MAK: variants seen among roughly 807,000 people sequenced by gnomAD.
The protein encoded by MAK is male germ cell associated kinase.
MAK carries 65 observed loss-of-function variants against 82.6 expected under a neutral mutation model. That is an observed-to-expected ratio of 0.79 (90% CI 0.64 to 0.97). MAK has a LOEUF of 0.97. Among genes scored for constraint, MAK ranks in the 50% least tolerant of loss-of-function variants. The pLI, the probability that MAK is intolerant of heterozygous loss-of-function variation, is 0.00. For synonymous variants in MAK, 250 were observed against 274.2 expected, an observed-to-expected ratio of 0.91 and a Z score of 0.87; for missense variants, 703 against 780.2, an observed-to-expected ratio of 0.90 and a Z score of 1.18.
intron 10 of MAK, among the ~76,000 whole-genome samples, chr6:10,787,936 A>T (rs934147373): frequency 3.9e-5 from 6 of 152,164 alleles, no homozygotes; most frequent in African/African-American, 1.4e-4. Flanking sequence ...GAATTTCAAG[A>T]GAAAAGGGAT....
intron 1 of MAK, among the ~76,000 whole-genome samples, chr6:10,833,242 T>G (rs139964247): frequency 4.9e-4 from 74 of 152,356 alleles, no homozygotes; most frequent in African/African-American, 1.7e-3. Context: ...TAAAGTTATG[T>G]TGTTTCCTAT....
chr6:10,770,115 A>G lies in MAK; in HGVS notation c.1788T>C (p.Ala596=), dbSNP rs142308835. ...TGTATCTGAAGTTGTTCCTACCTGA[A>G]GCCGTTGCATTGAGAGGTGCTAAGT... ...RIHLAPLNAT[A]SEYTWNTKTG... Residue 596 remains alanine (A), a synonymous_variant, in exon 14 of 15, where the codon GCT becomes GCC. Transcript: ENST00000354489. 4 of 1,614,060 alleles carry G rather than the reference A, an allele frequency of 2.5e-6. No individual in the cohort carries two copies. In the African/African-American group the frequency reaches 4.0e-5, roughly 16 times the overall value.
At chr6:10,798,863 T>C (rs1283219277) in intron 8 of MAK, among the ~76,000 whole-genome samples, 1 of 151,956 alleles carries the variant, frequency 6.6e-6, no homozygotes, top group East Asian at 1.9e-4. Flanking sequence ...AGAGTCTCAC[T>C]CTGTCACCCA....
At chr6:10,807,175 TA>T (rs923046366) in intron 6 of MAK, among the ~76,000 whole-genome samples, 1 of 151,652 alleles carries the variant, frequency 6.6e-6, no homozygotes, top group East Asian at 1.9e-4. Context: ...TTACTCTGCC[TA>T]AAAAAAATCC....
chr6:10,834,001 A>G (rs1163536030), intron 1 of MAK, among the ~76,000 whole-genome samples: 1 of 152,212 alleles, frequency 6.6e-6, no homozygotes, highest in Non-Finnish European at 1.5e-5. Context: ...TTTTGCCTTT[A>G]TCTGTATAAG....
chr6:10,824,495 TCACA>T (rs1778207729), intron 2 of MAK, among the ~76,000 whole-genome samples: 1 of 151,560 alleles, frequency 6.6e-6, no homozygotes, highest in African/African-American at 2.4e-5. Flanking sequence ...ACTCTCAAGA[TCACA>T]CACACGTTCT....
chr6:10,818,886 C>G lies in MAK; in HGVS notation c.156G>C (p.Lys52Asn). 6.4e-7 allele frequency: 1 copy of G among 1,563,748 alleles called. No individual in the cohort carries two copies. The highest frequency in any genetic ancestry group is 8.8e-7 in the Non-Finnish European group (1 of 1,135,380). ...GTTCTTTTCATCTTTAGGATTTTAC[C>G]TTAACTTCTCTCAAGTTCATGCATT... is the stretch of plus-strand genomic sequence containing the variant. Reference protein sequence around the residue: ...WDECMNLREVKSLKKLNHANV... With the variant: ...WDECMNLREVNSLKKLNHANV... Residue 52 changes from lysine to asparagine, a missense_variant and splice_region_variant, in exon 3 of 15, where the codon AAG becomes AAC. Lys to Asn is a moderately conservative substitution (Grantham distance 94). Transcript: ENST00000354489.
Position 10,773,032 on chromosome 6 carries a change from A to C in MAK, c.1672+2T>G. 2 of 1,524,684 alleles carry C rather than the reference A, an allele frequency of 1.3e-6. No individual in the cohort carries two copies. Among genetic ancestry groups the C allele is most frequent in the Non-Finnish European group, 1.8e-6 (2 of 1,136,714 alleles). The allele number at this position is 1,524,684 out of a possible 1,614,324, so 94.4% of individuals were successfully genotyped here. A position where few individuals can be genotyped will look rare whatever the true frequency, so the allele number is the denominator to read the frequency against. On this transcript the variant is annotated splice_donor_variant, in intron 13 of 14. Coordinates refer to ENST00000354489, the MANE Select transcript of MAK (RefSeq NM_001242957.3). LOFTEE classifies it high-confidence loss of function. ...TGCATTCATCTGACGCCCAGAAATT[A>C]CCTTGTGGGTCCTCTAATTTTTCAG...
chr6:10,784,550 C>T lies in MAK; in HGVS notation c.1339G>A (p.Gly447Ser). 6.2e-7 allele frequency: 1 copy of T among 1,614,052 alleles called. No homozygotes were observed. Among genetic ancestry groups the T allele is most frequent in the Non-Finnish European group, 8.5e-7 (1 of 1,180,010 alleles). Reference sequence around the variant, plus strand: ...TTTTCCCCTGTCGAGTGGTTGGAGCCTGAGGGTACTGGCTCTGGAAGCCTT... The same window carrying T: ...TTTTCCCCTGTCGAGTGGTTGGAGCTTGAGGGTACTGGCTCTGGAAGCCTT... The part of the protein sequence containing the change: ...PFRLPEPVPS[G>S]SNHSTGENKS... The change falls in exon 11 of 15, where the codon GGC becomes AGC. Residue 447 changes from glycine to serine, a missense_variant. Coordinates refer to ENST00000354489, the MANE Select transcript of MAK (RefSeq NM_001242957.3).
intron 10 of MAK, among the ~76,000 whole-genome samples, chr6:10,788,519 G>A (rs564499993): frequency 1.6e-3 from 238 of 152,220 alleles, no homozygotes; most frequent in Non-Finnish European, 3.2e-3. Context: ...ATCACCTGAG[G>A]TCAGGAGTTC....
At chr6:10,782,724 C>T (rs1348116834) in intron 11 of MAK, among the ~76,000 whole-genome samples, 1 of 151,886 alleles carries the variant, frequency 6.6e-6, no homozygotes, top group African/African-American at 2.4e-5. Flanking sequence ...ATTACAGATG[C>T]CCACCACCAC....
In MAK at chr6:10,808,779, G is replaced by A. The variant is rs377418981; in HGVS notation, c.491+31C>T. On this transcript the variant is annotated intron_variant, in intron 6 of 14. Transcript: ENST00000354489. ...TAGGAAAATTTCACCATAGGCTTAT[G>A]CCTCAGGAGGGCTGCATAACCCCTA... is the stretch of plus-strand genomic sequence containing the variant. 7 of 1,609,904 alleles carry A rather than the reference G, an allele frequency of 4.3e-6. No homozygotes were observed. The African/African-American group carries it at 9.3e-5, about 21-fold the overall frequency.
At chr6:10,778,788 G>A (rs565652695) in intron 11 of MAK, among the ~76,000 whole-genome samples, 13 of 152,190 alleles carry the variant, frequency 8.5e-5, no homozygotes, top group African/African-American at 2.6e-4. Context: ...AGGAAAGATG[G>A]TGAATAATGA....
chr6:10,810,345 C>CTTTTTTT (rs111859354), intron 5 of MAK, among the ~76,000 whole-genome samples: 303 of 121,602 alleles, frequency 2.5e-3, no homozygotes, highest in African/African-American at 4.5e-3. Flanking sequence ...TTATCTTTTT[C>CTTTTTTT]TTTTTTTTTT....
intron 14 of MAK, among the ~76,000 whole-genome samples, chr6:10,767,743 G>T (rs1772578388): frequency 6.8e-6 from 1 of 147,786 alleles, no homozygotes. Flanking sequence ...AGGGAGCTGA[G>T]ATCACGCCAC....
chr6:10,791,450 A>G (rs1302396864), intron 10 of MAK, among the ~76,000 whole-genome samples: 2 of 152,032 alleles, frequency 1.3e-5, no homozygotes, highest in East Asian at 3.9e-4. Flanking sequence ...TATTTTTAGT[A>G]GAGACGGGGT....
chr6:10,832,081 G>T (rs759051556), intron 1 of MAK, among the ~76,000 whole-genome samples: 60 of 152,142 alleles, frequency 3.9e-4, no homozygotes, highest in Non-Finnish European at 6.9e-4. Context: ...TCCCCCAGTA[G>T]CTGGGATTAC....
intron 1 of MAK, among the ~76,000 whole-genome samples, chr6:10,837,072 G>C (rs2127595542): frequency 6.6e-6 from 1 of 152,254 alleles, no homozygotes; most frequent in South Asian, 2.1e-4. Context: ...GCAAATGAAG[G>C]GTAAAACAAG....
intron 1 of MAK, among the ~76,000 whole-genome samples, chr6:10,832,543 C>G (rs1778886435): frequency 6.6e-6 from 1 of 152,224 alleles, no homozygotes; most frequent in Non-Finnish European, 1.5e-5. Context: ...AGCCCTCCAC[C>G]AGCAAAAAGA....
Sources: allele counts gnomAD v4.1 joint callset (sites outside exome capture counted in the v4.1 genomes callset), GRCh38; gene constraint gnomAD v4.1.1; transcripts MANE v1.5; gene names NCBI Gene and HGNC (gene_info 2026-07-23, HGNC 2026-07-21).